Variants in RNF6 observed in about 807,000 individuals in gnomAD.
RNF6 encodes the protein E3 ubiquitin-protein ligase RNF6.
A neutral mutation model predicts 50.1 loss-of-function variants in RNF6; 21 were observed. The ratio of observed to expected loss-of-function variants is 0.42; its 90% CI spans 0.30 to 0.60. The LOEUF is 0.60. Among genes scored for constraint, RNF6 ranks in the 20% least tolerant of loss-of-function variants. RNF6 has a pLI of 0.20. For missense variants in RNF6, 698 were observed against 838.2 expected (o/e 0.83, Z 2.07); for synonymous variants, 255 against 291.8 (o/e 0.87, Z 1.29).
At chr13:26,196,309 T>A (rs1868659550) in intron 5 of RNF6, among the ~76,000 whole-genome samples, 1 of 152,086 alleles carries the variant, frequency 6.6e-6, no homozygotes, top group South Asian at 2.1e-4. Flanking sequence ...CAACCCAGAA[T>A]GCTATATCCA....
chr13:26,152,293 CA>C (rs1187916287), intron 5 of RNF6, among the ~76,000 whole-genome samples: 2 of 152,176 alleles, frequency 1.3e-5, no homozygotes, highest in Admixed American at 1.3e-4. Context: ...TAGTTCTCTC[CA>C]AAAAGACGCC....
intron 5 of RNF6, among the ~76,000 whole-genome samples, chr13:26,180,049 C>T (rs954245837): frequency 2.0e-5 from 3 of 152,154 alleles, no homozygotes; most frequent in Admixed American, 1.3e-4. Flanking sequence ...TATCCAGGTA[C>T]AGCAGGAGCC....
chr13:26,173,949 C>CA (rs10674426), intron 5 of RNF6, among the ~76,000 whole-genome samples: 33,602 of 117,726 alleles, frequency 0.29, 5,071 homozygotes, highest in East Asian at 0.48. Flanking sequence ...GACTCCGTCT[C>CA]AAAAAAAAAA....
intron 5 of RNF6, among the ~76,000 whole-genome samples, chr13:26,196,301 A>G (rs1868658609): frequency 6.6e-6 from 1 of 152,170 alleles, no homozygotes; most frequent in Admixed American, 6.6e-5. Flanking sequence ...AAAAATGTCA[A>G]CCCAGAATGC....
chr13:26,152,539 C>T (rs1045371895), intron 5 of RNF6, among the ~76,000 whole-genome samples: 7 of 152,216 alleles, frequency 4.6e-5, no homozygotes, highest in Non-Finnish European at 8.8e-5. Context: ...TTTCCAGGGG[C>T]AGGCAGCATG....
At chr13:26,155,972 CA>C (rs1871903241) in intron 5 of RNF6, among the ~76,000 whole-genome samples, 1 of 151,976 alleles carries the variant, frequency 6.6e-6, no homozygotes, top group Non-Finnish European at 1.5e-5. Flanking sequence ...TTGCAGAAAA[CA>C]AAGAGAACAG....
chr13:26,177,052 A>T (rs1872989694), intron 5 of RNF6, among the ~76,000 whole-genome samples: 1 of 152,216 alleles, frequency 6.6e-6, no homozygotes, highest in African/African-American at 2.4e-5. Context: ...CAAGCCAAGA[A>T]GGAAAGATCG....
At chr13:26,186,161 G>A (rs897224637) in intron 5 of RNF6, among the ~76,000 whole-genome samples, 4 of 152,202 alleles carry the variant, frequency 2.6e-5, no homozygotes, top group Non-Finnish European at 5.9e-5. Context: ...CCGCCTCGCG[G>A]CCCTAAAACG....
At chr13:26,209,850 T>C (rs558972979), downstream of RNF6, among the ~76,000 whole-genome samples, 3 of 151,098 alleles carry the variant, frequency 2.0e-5, no homozygotes, top group South Asian at 4.2e-4. Flanking sequence ...ATTAACACAA[T>C]AGAGGAAAAA....
At chr13:26,150,044 A>ATG (rs1173998624) in intron 5 of RNF6, among the ~76,000 whole-genome samples, 7 of 90,568 alleles carry the variant, frequency 7.7e-5, no homozygotes, top group Admixed American at 2.4e-4. Context: ...TGTATATATA[A>ATG]TGTGTATATA....
At chr13:26,154,966 GT>G (rs2137593971) in intron 5 of RNF6, among the ~76,000 whole-genome samples, 1 of 152,046 alleles carries the variant, frequency 6.6e-6, no homozygotes, top group South Asian at 2.1e-4. Context: ...GGAGGCAGAA[GT>G]TGCAGGGGGC....
In RNF6 at chr13:26,213,827, C is replaced by A; in HGVS notation, c.2055G>T (p.Gly685=). ...TATTTGAGTAGATCCCATCACCTTA[C>A]CCATTGTTTGCTATGTTAGACCCTA... ...PVLGSNIANN[G] The change falls in exon 5 of 5, where the codon GGG becomes GGT. Residue 685 remains glycine (G), a synonymous_variant. Coordinates refer to ENST00000381588, the MANE Select transcript of RNF6 (RefSeq NM_005977.4). 6.2e-7 allele frequency: 1 copy of A among 1,601,014 alleles called. No individual in the cohort carries two copies. The highest frequency in any genetic ancestry group is 8.5e-7 in the Non-Finnish European group (1 of 1,171,994).
intron 5 of RNF6, among the ~76,000 whole-genome samples, chr13:26,153,374 C>T (rs764968566): frequency 1.3e-5 from 2 of 151,804 alleles, no homozygotes; most frequent in African/African-American, 2.4e-5. Flanking sequence ...CCACCACGTC[C>T]GGCTAATTTT....
rs1869481579 is a variant in RNF6, at chr13:26,213,646, A to G, written c.*178T>C. ...TATTTCTGGATAATTTAACATTTGT[A>G]TTTTAAATTTTATATAAATTTCTTT... On this transcript the variant is annotated 3_prime_UTR_variant, in exon 5 of 5. Coordinates refer to ENST00000381588, the MANE Select transcript of RNF6 (RefSeq NM_005977.4). 6.6e-6 allele frequency: 3 copies of G among 455,320 alleles called. No individual in the cohort carries two copies. The Middle Eastern group carries it at 1.7e-3, about 260-fold the overall frequency. 28.2% of individuals were successfully genotyped at this position (455,320 alleles called of 1,614,324 possible). A position where few individuals can be genotyped will look rare whatever the true frequency, so the allele number is the denominator to read the frequency against.
chr13:26,152,712 T>G (rs1032410241), intron 5 of RNF6, among the ~76,000 whole-genome samples: 11 of 152,220 alleles, frequency 7.2e-5, no homozygotes, highest in Admixed American at 5.2e-4. Flanking sequence ...GACGTTTCTA[T>G]TCTCAATGAT....
chr13:26,150,958 A>C (rs1177908238), intron 5 of RNF6: 1 of 152,192 alleles, frequency 6.6e-6, no homozygotes, highest in Non-Finnish European at 1.5e-5. Context: ...TTCTTGTTAT[A>C]TTTTGCTCAA....
At chr13:26,207,719 T>C (rs1869165585) in intron 5 of RNF6, among the ~76,000 whole-genome samples, 2 of 152,190 alleles carry the variant, frequency 1.3e-5, no homozygotes, top group Admixed American at 1.3e-4. Context: ...TAAACTGAGT[T>C]CTCAACCTAT....
At chr13:26,178,547 A>G (rs951579046) in intron 5 of RNF6, among the ~76,000 whole-genome samples, 5 of 121,316 alleles carry the variant, frequency 4.1e-5, no homozygotes, top group Non-Finnish European at 8.2e-5. Context: ...CATTCAGACC[A>G]TTTTCTTTTC....
chr13:26,149,921 TATATATATATACACA>T (rs1871478375), intron 5 of RNF6, among the ~76,000 whole-genome samples: 1 of 3,356 alleles, frequency 3.0e-4, no homozygotes, highest in East Asian at 0.25. Flanking sequence ...ATATAATGTG[TATATATATATACACA>T]GTGTATATAT....
Sources: allele counts gnomAD v4.1 joint callset (sites outside exome capture counted in the v4.1 genomes callset), GRCh38; gene constraint gnomAD v4.1.1; transcripts MANE v1.5; gene names NCBI Gene and HGNC (gene_info 2026-07-23, HGNC 2026-07-21).